Variants in NAA16 observed in about 807,000 individuals in gnomAD.
NAA16 encodes the protein N-alpha-acetyltransferase 16, NatA auxiliary subunit.
Under a neutral mutation model 110.3 loss-of-function variants are expected in NAA16, and 97 were observed. That is an observed-to-expected ratio of 0.88 (90% CI 0.75 to 1.04). NAA16 has a LOEUF of 1.04. Ranked by LOEUF, NAA16 falls within the 50% of genes least tolerant of loss-of-function variation. The probability of loss-of-function intolerance (pLI) is 0.00; values close to 1 mark genes in which losing one functional copy is unlikely to be tolerated. For synonymous variants in NAA16, 372 were observed against 330.6 expected (o/e 1.13, Z -1.36); for missense variants, 1,017 against 1,005.1 (o/e 1.01, Z -0.16).
At chr13:41,341,726 A>G (rs890209407) in intron 9 of NAA16, among the ~76,000 whole-genome samples, 10 of 152,232 alleles carry the variant, frequency 6.6e-5, no homozygotes, top group African/African-American at 2.4e-4. Context: ...TAAGAAAAAA[A>G]TAAGAACATC....
intron 7 of NAA16, among the ~76,000 whole-genome samples, chr13:41,330,467 C>G (rs554857333): frequency 6.6e-6 from 1 of 152,078 alleles, no homozygotes; most frequent in South Asian, 2.1e-4. Context: ...GGATTAAAAT[C>G]TACTTAAAAC....
At position 41,331,255 on chromosome 13, in the gene NAA16, C is replaced by A. The variant is rs776960848; in HGVS notation, c.812-19C>A. Reference sequence around the variant, plus strand: ...AAAGTTTTGATGCTATGAATCTCACCCATATTTACTGATAATAGGCACTTT... The same window carrying A: ...AAAGTTTTGATGCTATGAATCTCACACATATTTACTGATAATAGGCACTTT... On this transcript the variant is annotated intron_variant, in intron 7 of 19. Coordinates refer to ENST00000379406, the MANE Select transcript of NAA16 (RefSeq NM_024561.5). 1.4e-6 allele frequency: 2 copies of A among 1,471,408 alleles called. No homozygotes were observed. The highest frequency in any genetic ancestry group is 1.2e-5 in the South Asian group (1 of 82,132). 91.1% of individuals were successfully genotyped at this position (1,471,408 alleles called of 1,614,324 possible).
intron 8 of NAA16, among the ~76,000 whole-genome samples, chr13:41,332,254 A>C (rs561159646): frequency 1.3e-5 from 2 of 152,194 alleles, no homozygotes; most frequent in Non-Finnish European, 2.9e-5. Flanking sequence ...TAAGAACAGA[A>C]CATCATCATT....
intron 9 of NAA16, among the ~76,000 whole-genome samples, chr13:41,348,859 T>G (rs2042753308): frequency 6.6e-6 from 1 of 152,242 alleles, no homozygotes; most frequent in Non-Finnish European, 1.5e-5. Context: ...CTATTTCTTC[T>G]TGACTGGCTT....
chr13:41,338,635 G>A (rs183924145), intron 9 of NAA16, among the ~76,000 whole-genome samples: 1 of 152,162 alleles, frequency 6.6e-6, no homozygotes, highest in Non-Finnish European at 1.5e-5. Context: ...TCTAAGAACT[G>A]TTTCTCAAAT....
In NAA16 at chr13:41,323,072, T is replaced by G; in HGVS notation, c.419T>G (p.Leu140Arg). 6.2e-7 allele frequency: 1 copy of G among 1,613,764 alleles called. No homozygotes were observed. The highest frequency in any genetic ancestry group is 8.5e-7 in the Non-Finnish European group (1 of 1,179,904). Reference protein sequence around the residue: ...LEGYRETRYQLLQLRPTQRAS... With the variant: ...LEGYRETRYQRLQLRPTQRAS... ...TTTTTTTAGGAGACAAGATACCAGC[T>G]TCTTCAGTTGCGCCCCACACAGCGT... Residue 140 changes from leucine to arginine, a missense_variant, in exon 5 of 20, where the codon CTT (leucine) becomes CGT (arginine). Physicochemically the swap from Leu to Arg is moderately radical, Grantham distance 102. Transcript: ENST00000379406.
chr13:41,343,585 C>T (rs1213241465), intron 9 of NAA16, among the ~76,000 whole-genome samples: 1 of 152,136 alleles, frequency 6.6e-6, no homozygotes, highest in Non-Finnish European at 1.5e-5. Context: ...GGCTGGAGTG[C>T]AGTGGCACCA....
At chr13:41,344,501 A>T (rs2042632816) in intron 9 of NAA16, among the ~76,000 whole-genome samples, 1 of 152,156 alleles carries the variant, frequency 6.6e-6, no homozygotes, top group Admixed American at 6.5e-5. Flanking sequence ...TTGTCGCTGC[A>T]GTGAGGTGAG....
At chr13:41,372,435 T>C in intron 16 of NAA16, 124 bp downstream of exon 16, 1 of 1,353,090 alleles carries the variant, frequency 7.4e-7, no homozygotes, top group South Asian at 2.1e-5. Flanking sequence ...AAAGGCTCTT[T>C]TCCTTGGCTA....
chr13:41,334,937 A>G (rs74888719), intron 8 of NAA16, among the ~76,000 whole-genome samples: 65 of 152,296 alleles, frequency 4.3e-4, no homozygotes, highest in African/African-American at 1.5e-3. Flanking sequence ...GCAAAAGTGC[A>G]GTAACATGGA....
At chr13:41,341,232 A>T (rs1013699737) in intron 9 of NAA16, among the ~76,000 whole-genome samples, 1 of 152,144 alleles carries the variant, frequency 6.6e-6, no homozygotes, top group Non-Finnish European at 1.5e-5. Flanking sequence ...TATAGCATAG[A>T]GATTTCAGTA....
chr13:41,325,061 G>T (rs1217588280), intron 5 of NAA16, among the ~76,000 whole-genome samples: 2 of 149,004 alleles, frequency 1.3e-5, no homozygotes, highest in African/African-American at 2.5e-5. Flanking sequence ...GGGCTTAAGC[G>T]ATTCTTCTGC....
At position 41,359,471 on chromosome 13, in the gene NAA16, CT is replaced by C. The variant is rs531451514; in HGVS notation, c.1410+510del. 3.6e-3 allele frequency among the ~76,000 whole-genome samples: 543 copies of C among 152,262 alleles called. 3 individuals are homozygous for C. The highest frequency in any genetic ancestry group is 6.2e-3 in the Non-Finnish European group (420 of 68,018). On this transcript the variant is annotated intron_variant, in intron 12 of 19. Coordinates refer to ENST00000379406, the MANE Select transcript of NAA16 (RefSeq NM_024561.5). ...TTATATCCTTTTCCACATAAACTTT[CT>C]GTTATAATACATGTTTATGGTTAAA...
chr13:41,372,147 G>A, intron 15 of NAA16, 56 bp from the exon 16 acceptor site: 2 of 1,340,524 alleles, frequency 1.5e-6, no homozygotes, highest in East Asian at 5.1e-5. Flanking sequence ...AATTTTAGGG[G>A]AAATTTGACT....
chr13:41,350,378 C>G (rs1262342064), intron 9 of NAA16, among the ~76,000 whole-genome samples: 1 of 151,550 alleles, frequency 6.6e-6, no homozygotes, highest in Non-Finnish European at 1.5e-5. Flanking sequence ...ACTGCAAGCT[C>G]CACCTCCCGG....
intron 5 of NAA16, among the ~76,000 whole-genome samples, 184 bp downstream of exon 5, chr13:41,323,374 G>A (rs908373983): frequency 5.4e-5 from 8 of 149,156 alleles, no homozygotes; most frequent in Middle Eastern, 3.6e-3. Flanking sequence ...TTTCCGAGAC[G>A]GAGTCTCGCT....
intron 10 of NAA16, 98 bp from the exon 11 acceptor site, chr13:41,358,206 A>G (rs533038470): frequency 9.7e-7 from 1 of 1,026,986 alleles, no homozygotes; most frequent in Admixed American, 2.7e-5. Flanking sequence ...CTTGCTTATT[A>G]TTATTGCAAT....
At position 41,372,736 on chromosome 13, in the gene NAA16, G is replaced by A. The variant is rs781345750; in HGVS notation, c.2061G>A (p.Lys687=). 1.9e-6 allele frequency: 3 copies of A among 1,590,730 alleles called. No individual in the cohort carries two copies. The highest frequency in any genetic ancestry group is 2.6e-6 in the Non-Finnish European group (3 of 1,166,506). The change falls in exon 17 of 20, where the codon AAG becomes AAA. Residue 687 remains lysine, a synonymous_variant. Coordinates refer to ENST00000379406, the MANE Select transcript of NAA16 (RefSeq NM_024561.5). ...LAFEIYFRKG[K]FLLMLQSVKR... is the part of the protein sequence containing the mutation. ...TTTGTATTTTTTCTGACACAGGAAAGTTTCTGTTAATGCTGCAGTCTGTCA... is the reference window on the plus strand; with the variant it reads ...TTTGTATTTTTTCTGACACAGGAAAATTTCTGTTAATGCTGCAGTCTGTCA...
At chr13:41,323,830 TTGA>T (rs1033123977) in intron 5 of NAA16, among the ~76,000 whole-genome samples, 1 of 152,172 alleles carries the variant, frequency 6.6e-6, no homozygotes, top group Non-Finnish European at 1.5e-5. Flanking sequence ...CAGCTGCAAG[TTGA>T]TGGAGATGGT....
Sources: allele counts gnomAD v4.1 joint callset (sites outside exome capture counted in the v4.1 genomes callset), GRCh38; gene constraint gnomAD v4.1.1; transcripts MANE v1.5; gene names NCBI Gene and HGNC (gene_info 2026-07-23, HGNC 2026-07-21).